Variants in SLF2 observed in about 807,000 individuals in gnomAD.
The protein encoded by SLF2 is SMC5/6 complex localization factor 2.
A neutral mutation model predicts 124.3 loss-of-function variants in SLF2; 68 were observed. The observed-to-expected ratio is 0.55, with a 90% confidence interval of 0.45 to 0.67. The LOEUF (loss-of-function observed/expected upper bound fraction) is 0.67. Among genes scored for constraint, SLF2 ranks in the 30% least tolerant of loss-of-function variants. The pLI is 0.00. For missense variants in SLF2, 1,246 were observed against 1,373.7 expected (o/e 0.91, Z 1.47); for synonymous variants, 480 against 478.8 (o/e 1.00, Z -0.03).
Position 100,929,848 on chromosome 10 carries a change from T to A in SLF2, c.2184T>A (p.Phe728Leu). The A allele has an allele frequency of 6.3e-7, 1 of 1,577,878 alleles. No homozygotes were observed. The highest frequency in any genetic ancestry group is 8.6e-7 in the Non-Finnish European group (1 of 1,169,204). The change falls in exon 8 of 20, where the codon TTT becomes TTA. Residue 728 changes from phenylalanine to leucine, a missense_variant. By Grantham distance (22) the Phe-to-Leu change is conservative (BLOSUM62 0). This residue lies in a region of SLF2 where 535 missense variants were observed against 632.8 expected (regional missense o/e 0.85). Coordinates refer to ENST00000238961, the MANE Select transcript of SLF2 (RefSeq NM_018121.4). ...LEEHKEFLKK[F>L]SVTIDAIPDH... ...GTTTCAGGGAATTTCTAAAGAAATT[T>A]TCAGTTACAATTGATGCTATTCCTG...
At chr10:100,913,366 A>G (rs949317413) in intron 1 of SLF2, 116 bp downstream of exon 1, 7 of 1,368,950 alleles carry the variant, frequency 5.1e-6, no homozygotes, top group African/African-American at 4.6e-5. Context: ...AGGCGTTGGC[A>G]TTTCGGGGCC....
chr10:100,960,160 CATTT>C (rs1850403232), intron 19 of SLF2, among the ~76,000 whole-genome samples: 3 of 152,174 alleles, frequency 2.0e-5, no homozygotes, highest in African/African-American at 4.8e-5. Context: ...GGATATGTCA[CATTT>C]ATTTATCTAC....
Position 100,924,780 on chromosome 10 carries a change from G to A in SLF2, c.1779G>A (p.Leu593=). Residue 593 remains leucine, a synonymous_variant, in exon 5 of 20, where the codon CTG becomes CTA. Coordinates refer to ENST00000238961, the MANE Select transcript of SLF2 (RefSeq NM_018121.4). ...ATTCCAATGCAGGTAGCAGTGCACT[G>A]AAAAGAAAACTAAGGGGTGATTTTG... The part of the protein sequence containing the change: ...SGNSNAGSSA[L]KRKLRGDFDS... 6.2e-7 allele frequency: 1 copy of A among 1,614,152 alleles called. No homozygotes were observed. The highest frequency in any genetic ancestry group is 8.5e-7 in the Non-Finnish European group (1 of 1,180,034).
intron 13 of SLF2, among the ~76,000 whole-genome samples, chr10:100,946,820 C>G (rs1341287909): frequency 6.6e-6 from 1 of 152,208 alleles, no homozygotes; most frequent in East Asian, 1.9e-4. Context: ...TGAAATTCTG[C>G]TAAATGTATC....
intron 11 of SLF2, chr10:100,943,605 C>A (rs1183221772): frequency 6.5e-6 from 1 of 153,110 alleles, no homozygotes; most frequent in Non-Finnish European, 1.5e-5. Context: ...ATAGCAGTTT[C>A]TTTAGGCCAT....
At chr10:100,937,208 G>C (rs923672891) in intron 9 of SLF2, among the ~76,000 whole-genome samples, 194 bp from the exon 10 acceptor site, 3 of 152,054 alleles carry the variant, frequency 2.0e-5, no homozygotes, top group African/African-American at 7.2e-5. Flanking sequence ...ATTGGGTTTT[G>C]CCGTCTTGCA....
Position 100,924,549 on chromosome 10 carries a change from A to G in SLF2, c.1548A>G (p.Thr516=), listed in dbSNP as rs557564740. 1.2e-6 allele frequency: 2 copies of G among 1,614,174 alleles called. No individual in the cohort carries two copies. Among genetic ancestry groups the G allele is most frequent in the Admixed American group, 1.7e-5 (1 of 60,036 alleles). ...SSSKECSGHS[T]ESTKHKEHKA... ...CTAAAGAATGTTCTGGGCATTCTACAGAATCCACCAAACACAAGGAACACA... is the reference window on the plus strand; with the variant it reads ...CTAAAGAATGTTCTGGGCATTCTACGGAATCCACCAAACACAAGGAACACA... The change falls in exon 5 of 20, where the codon ACA becomes ACG. Residue 516 remains threonine (T), a synonymous_variant. Transcript: ENST00000238961.
chr10:100,928,605 A>G (rs17113596), intron 6 of SLF2, among the ~76,000 whole-genome samples: 5,114 of 152,236 alleles, frequency 0.034, 295 homozygotes, highest in East Asian at 0.28. Context: ...ACCTTGTTTA[A>G]AATAACTTAA....
At chr10:100,913,317 A>G (rs1205974706) in intron 1 of SLF2, 67 bp downstream of exon 1, 28 of 1,380,132 alleles carry the variant, frequency 2.0e-5, no homozygotes, top group Non-Finnish European at 2.6e-5. Context: ...AGGGCTGCAG[A>G]CCGCCGCTCT....
chr10:100,929,407 A>G lies in SLF2; in HGVS notation c.2133A>G (p.Thr711=). The change falls in exon 7 of 20, where the codon ACA becomes ACG. Residue 711 remains threonine (T), a synonymous_variant. Coordinates refer to ENST00000238961, the MANE Select transcript of SLF2 (RefSeq NM_018121.4). ...SPIRIGEEDS[T]DDEDGLLEEH... is the part of the protein sequence containing the mutation. ...TCAGAATTGGAGAAGAAGACAGTAC[A>G]GATGATGAGGATGGCCTCTTAGAAG... 1 of 1,612,436 alleles carries G rather than the reference A, an allele frequency of 6.2e-7. No homozygotes were observed. The highest frequency in any genetic ancestry group is 8.5e-7 in the Non-Finnish European group (1 of 1,178,970).
chr10:100,913,816 G>T (rs1000455502), intron 1 of SLF2: 1 of 985,474 alleles, frequency 1.0e-6, no homozygotes, highest in Admixed American at 6.1e-5. Context: ...GATTTTGTGG[G>T]AGCTATGTAA....
intron 15 of SLF2, among the ~76,000 whole-genome samples, chr10:100,948,745 G>C (rs1850155946): frequency 2.0e-5 from 3 of 151,800 alleles, no homozygotes; most frequent in Admixed American, 2.0e-4. Context: ...AATTACCCGG[G>C]CATGGTGGCG....
intron 1 of SLF2, 109 bp downstream of exon 1, chr10:100,913,359 C>A: frequency 7.3e-7 from 1 of 1,373,616 alleles, no homozygotes. Flanking sequence ...CGAGCTCAGG[C>A]GTTGGCATTT....
At chr10:100,918,534 C>T in intron 4 of SLF2, 93 bp downstream of exon 4, 1 of 769,904 alleles carries the variant, frequency 1.3e-6, no homozygotes. Context: ...ATGCAGTTCC[C>T]TTCTTGGGGA....
chr10:100,913,347 C>G, intron 1 of SLF2, 97 bp downstream of exon 1: 1 of 1,380,172 alleles, frequency 7.2e-7, no homozygotes, highest in Non-Finnish European at 9.4e-7. Context: ...CGCCATCCTC[C>G]GCGAGCTCAG....
At position 100,963,508 on chromosome 10, in the gene SLF2, T is replaced by C. The variant is rs775912567; in HGVS notation, c.*1596T>C. ...GGGTATTGTTACAAAATGCCACTTA[T>C]GGTTAAAGAGATAGATACAAAGAGT... On this transcript the variant is annotated 3_prime_UTR_variant, in exon 20 of 20. Coordinates refer to ENST00000238961, the MANE Select transcript of SLF2 (RefSeq NM_018121.4). 2.6e-5 allele frequency: 4 copies of C among 152,656 alleles called. No individual in the cohort carries two copies. The highest frequency in any genetic ancestry group is 4.8e-5 in the African/African-American group (2 of 41,458). The allele number at this position is 152,656 out of a possible 1,614,324, so 9.5% of individuals were successfully genotyped here.
intron 1 of SLF2, 43 bp from the exon 2 acceptor site, chr10:100,915,956 T>G: frequency 2.1e-6 from 3 of 1,442,696 alleles, no homozygotes; most frequent in Non-Finnish European, 2.9e-6. Context: ...ATGAAGGTTT[T>G]AATATTTGCT....
chr10:100,913,165 G>C lies in SLF2; in HGVS notation c.55G>C (p.Gly19Arg). 1 of 1,613,596 alleles carries C rather than the reference G, an allele frequency of 6.2e-7. No homozygotes were observed. The highest frequency in any genetic ancestry group is 1.1e-5 in the South Asian group (1 of 91,022). The change falls in exon 1 of 20, where the codon GGG (glycine) becomes CGG (arginine). Residue 19 changes from glycine (G) to arginine (R), a missense_variant. Physicochemically the swap from Gly to Arg is moderately radical, Grantham distance 125 (BLOSUM62 -2). Transcript: ENST00000238961. ...AGGTTTCCCCTCATCCCCAGCCCCG[G>C]GGTCGTCGCCCCCGCGCTGCCATCT... ...RPGFPSSPAP[G>R]SSPPRCHLRP...
intron 18 of SLF2, 128 bp downstream of exon 18, chr10:100,956,665 C>T: frequency 1.6e-6 from 1 of 636,250 alleles, no homozygotes; most frequent in Non-Finnish European, 2.6e-6. Context: ...TGGCTCATGC[C>T]TGTAATCCCA....
Sources: gnomAD v4.1 joint callset for allele counts (sites outside exome capture counted in the v4.1 genomes callset) on GRCh38, gnomAD v4.1.1 for gene constraint, gnomAD v4.1.1 regional missense constraint, MANE v1.5 for transcripts, NCBI Gene and HGNC (gene_info 2026-07-23, HGNC 2026-07-21) for gene names.